PRDM16: variants seen among roughly 807,000 people sequenced by gnomAD.
PRDM16 encodes histone-lysine N-methyltransferase PRDM16.
Under a neutral mutation model 110.6 loss-of-function variants are expected in PRDM16, and 23 were observed. That is an observed-to-expected ratio of 0.21 (90% CI 0.15 to 0.29). The LOEUF (loss-of-function observed/expected upper bound fraction) is 0.29, where lower values mean the gene tolerates loss of function less well. Among genes scored for constraint, PRDM16 ranks in the 10% least tolerant of loss-of-function variants. PRDM16 has a pLI of 1.00. For synonymous variants in PRDM16, 799 were observed against 781.8 expected (o/e 1.02, Z -0.37); for missense variants, 1,615 against 1,794.3 (o/e 0.90, Z 1.81).
At chr1:3,216,525 G>C (rs996056812) in intron 2 of PRDM16, among the ~76,000 whole-genome samples, 3 of 152,190 alleles carry the variant, frequency 2.0e-5, no homozygotes, top group African/African-American at 7.2e-5. Flanking sequence ...GGTTTCAGAT[G>C]CCCCCGGTGG....
intron 1 of PRDM16, among the ~76,000 whole-genome samples, chr1:3,180,866 C>CCTTACACATGCAGT (rs1644143778): frequency 6.8e-6 from 1 of 147,126 alleles, no homozygotes. Context: ...TTACGCACGG[C>CCTTACACATGCAGT]CTTACACACG....
intron 2 of PRDM16, among the ~76,000 whole-genome samples, chr1:3,236,265 G>A (rs1569897814): frequency 1.3e-5 from 2 of 152,168 alleles, no homozygotes; most frequent in East Asian, 1.9e-4. Context: ...GGCTGGGAAG[G>A]AGGCTTGGAG....
In PRDM16 at chr1:3,431,981, C is replaced by T. The variant is rs1264011202; in HGVS notation, c.3537C>T (p.His1179=). 3.1e-6 allele frequency: 5 copies of T among 1,613,422 alleles called. No homozygotes were observed. The highest frequency in any genetic ancestry group is 2.2e-5 in the East Asian group (1 of 44,882). Residue 1179 remains histidine, a synonymous_variant, in exon 16 of 17, where the codon CAC becomes CAT. Transcript: ENST00000270722. ...ATTGGTGCAGGTGTGCTGAGGACCACGAAGGCGGTCTGTTAGCTTTGGAGC... is the reference window on the plus strand; with the variant it reads ...ATTGGTGCAGGTGTGCTGAGGACCATGAAGGCGGTCTGTTAGCTTTGGAGC... ...FDHTRRCAED[H]EGGLLALEPM...
chr1:3,165,213 G>T (rs1424523196), intron 1 of PRDM16, among the ~76,000 whole-genome samples: 1 of 139,158 alleles, frequency 7.2e-6, no homozygotes, highest in Admixed American at 7.0e-5. Context: ...GGCCTCAGGG[G>T]CATGGACTCA....
At position 3,353,755 on chromosome 1, in the gene PRDM16, T is replaced by A. The variant is rs2100543492; in HGVS notation, c.439-31397T>A. ...CAGAGAGTGGCCAAGGGGGTTGCACTTGGGGCCGGACCTCCTGACTCCTGC... is the reference window on the plus strand; with the variant it reads ...CAGAGAGTGGCCAAGGGGGTTGCACATGGGGCCGGACCTCCTGACTCCTGC... On this transcript the variant is annotated intron_variant, in intron 3 of 16. Coordinates refer to ENST00000270722, the MANE Select transcript of PRDM16 (RefSeq NM_022114.4). This position sits in a 1 kb window ranked among gnomAD's most constrained non-coding sequence, Gnocchi z 5.4. 6.6e-6 allele frequency among the ~76,000 whole-genome samples: 1 copy of A among 152,282 alleles called. No homozygotes were observed. Among genetic ancestry groups the A allele is most frequent in the South Asian group, 2.1e-4 (1 of 4,832 alleles).
intron 3 of PRDM16, among the ~76,000 whole-genome samples, chr1:3,346,054 A>G (rs1465384814): frequency 3.9e-5 from 6 of 152,254 alleles, no homozygotes. Flanking sequence ...AAGGAGACTC[A>G]TTCTCCGTCA....
At chr1:3,162,318 C>T (rs921985986) in intron 1 of PRDM16, among the ~76,000 whole-genome samples, 26 of 152,166 alleles carry the variant, frequency 1.7e-4, no homozygotes, top group African/African-American at 6.0e-4. Context: ...AAACTCCGTG[C>T]CCGGTAAATA....
chr1:3,432,723 C>G lies in PRDM16; in HGVS notation c.3696+583C>G, dbSNP rs1638801632. Among the ~76,000 whole-genome samples, 5 of 152,348 alleles carry G rather than the reference C, an allele frequency of 3.3e-5. No individual in the cohort carries two copies. In the South Asian group the frequency reaches 1.0e-3, roughly 32 times the overall value. On this transcript the variant is annotated intron_variant, in intron 16 of 16. Transcript: ENST00000270722. ...AGCCCTCCCAGAGGGAACAGGCCCGCCCCAGGTCTCAGCAAAAGCCGTCTG... is the reference window on the plus strand; with the variant it reads ...AGCCCTCCCAGAGGGAACAGGCCCGGCCCAGGTCTCAGCAAAAGCCGTCTG...
chr1:3,388,542 CA>C (rs1361180938), intron 4 of PRDM16, among the ~76,000 whole-genome samples: 1 of 152,200 alleles, frequency 6.6e-6, no homozygotes, highest in Non-Finnish European at 1.5e-5. Flanking sequence ...GGGCAGAAGA[CA>C]GTGTAAACGT....
chr1:3,280,340 C>T (rs1162412404), intron 3 of PRDM16, among the ~76,000 whole-genome samples: 2 of 152,240 alleles, frequency 1.3e-5, no homozygotes, highest in African/African-American at 4.8e-5. Context: ...TCTCAGGGGA[C>T]ATGTCTTCAA....
chr1:3,137,176 C>G (rs1286384106), intron 1 of PRDM16, among the ~76,000 whole-genome samples: 1 of 152,248 alleles, frequency 6.6e-6, no homozygotes, highest in Non-Finnish European at 1.5e-5. Flanking sequence ...CCTCCGGCAT[C>G]CCCTCCTCAG....
At chr1:3,407,697 G>A (rs993933580) in intron 8 of PRDM16, among the ~76,000 whole-genome samples, 14 of 152,198 alleles carry the variant, frequency 9.2e-5, no homozygotes, top group African/African-American at 3.1e-4. Context: ...CTAAAGTCCC[G>A]TTGCATCGCT....
chr1:3,245,019 T>G lies in PRDM16; in HGVS notation c.438+882T>G, dbSNP rs2100915375. Among the ~76,000 whole-genome samples the G allele has an allele frequency of 6.6e-6, 1 of 152,176 alleles. No individual in the cohort carries two copies. Among genetic ancestry groups the G allele is most frequent in the South Asian group, 2.1e-4 (1 of 4,802 alleles). On this transcript the variant is annotated intron_variant, in intron 3 of 16. Transcript: ENST00000270722. The surrounding 1 kb of genome is among the most constrained non-coding windows in gnomAD (Gnocchi z 4.7). ...CTTTGCTTTAAAGCAAGATAAAATT[T>G]AGAGAGAGTCACATTTACACATCCC... is the stretch of plus-strand genomic sequence containing the variant.
At chr1:3,075,781 G>A (rs1641883362) in intron 1 of PRDM16, among the ~76,000 whole-genome samples, 1 of 152,238 alleles carries the variant, frequency 6.6e-6, no homozygotes, top group Admixed American at 6.5e-5. Flanking sequence ...GTGTTGAAAC[G>A]AACCCGGTGA....
At chr1:3,279,933 G>A (rs1329653420) in intron 3 of PRDM16, among the ~76,000 whole-genome samples, 7 of 143,688 alleles carry the variant, frequency 4.9e-5, no homozygotes, top group Non-Finnish European at 9.1e-5. Context: ...GACGTCAGCC[G>A]AGAAGCATGA....
chr1:3,082,202 C>T (rs989840138), intron 1 of PRDM16, among the ~76,000 whole-genome samples: 3 of 152,178 alleles, frequency 2.0e-5, no homozygotes, highest in Non-Finnish European at 4.4e-5. Flanking sequence ...GGGAGGCCCC[C>T]GCGGCCAGGC....
intron 3 of PRDM16, among the ~76,000 whole-genome samples, chr1:3,269,373 A>C (rs1324705397): frequency 6.6e-6 from 1 of 150,466 alleles, no homozygotes; most frequent in Non-Finnish European, 1.5e-5. Context: ...GGAGGAGGAC[A>C]GTCCCAGAGG....
At chr1:3,383,216 C>G (rs1251953364) in intron 3 of PRDM16, among the ~76,000 whole-genome samples, 2 of 152,224 alleles carry the variant, frequency 1.3e-5, no homozygotes, top group African/African-American at 4.8e-5. Context: ...TTGAGTGAAT[C>G]TCCCACTGCC....
chr1:3,263,847 T>G (rs951565619), intron 3 of PRDM16, among the ~76,000 whole-genome samples: 3 of 152,024 alleles, frequency 2.0e-5, no homozygotes, highest in African/African-American at 7.2e-5. Flanking sequence ...CAGGTGGGGG[T>G]ATGGCGGCAC....
Sources: allele counts gnomAD v4.1 joint callset (sites outside exome capture counted in the v4.1 genomes callset), GRCh38; gene constraint gnomAD v4.1.1; non-coding constraint Gnocchi (gnomAD v3.1); transcripts MANE v1.5; gene names NCBI Gene and HGNC (gene_info 2026-07-23, HGNC 2026-07-21).